RAB9B: variants seen among roughly 807,000 people sequenced by gnomAD.
RAB9B encodes RAB9B, member RAS oncogene family.
A neutral mutation model predicts 8.9 loss-of-function variants in RAB9B; 1 was observed. That is an observed-to-expected ratio of 0.11 (90% CI 0.04 to 0.53). RAB9B has a LOEUF of 0.53. Among genes scored for constraint, RAB9B ranks in the 20% least tolerant of loss-of-function variants. The probability of loss-of-function intolerance (pLI) is 0.93; values close to 1 mark genes in which losing one functional copy is unlikely to be tolerated. For synonymous variants in RAB9B, 63 were observed against 57.0 expected (o/e 1.10, Z -0.47); for missense variants, 82 against 152.9 (o/e 0.54, Z 2.45).
the RAB9B span, among the ~76,000 whole-genome samples, chrX:103,806,045 A>AT: frequency 3.6e-5 from 4 of 110,905 alleles, no homozygotes; most frequent in African/African-American, 9.8e-5. Flanking sequence ...GACTCAAGTG[A>AT]TTTTTTCACC....
chrX:103,778,088 C>T, the RAB9B span, among the ~76,000 whole-genome samples: 3 of 111,646 alleles, frequency 2.7e-5, no homozygotes, highest in South Asian at 3.8e-4. Context: ...GACAGGGAGT[C>T]GGAAAAATCA....
chrX:103,813,771 A>AAAAAAAG, the RAB9B span, among the ~76,000 whole-genome samples: 1 of 104,355 alleles, frequency 9.6e-6, no homozygotes. Flanking sequence ...AAAAAAAAAA[A>AAAAAAAG]GCAGGAGTGG....
the RAB9B span, among the ~76,000 whole-genome samples, chrX:103,811,617 G>T: frequency 9.0e-6 from 1 of 111,431 alleles, no homozygotes; most frequent in Non-Finnish European, 1.9e-5. Context: ...AATGTATCAT[G>T]CAGAGACACA....
At chrX:103,805,560 G>A in the RAB9B span, among the ~76,000 whole-genome samples, 2 of 111,618 alleles carry the variant, frequency 1.8e-5, no homozygotes, top group African/African-American at 6.5e-5. Flanking sequence ...AAGAACTGGT[G>A]TAAAAGCCTG....
At chrX:103,787,371 T>C in the RAB9B span, 1 of 171,537 alleles carries the variant, frequency 5.8e-6, no homozygotes, top group African/African-American at 3.1e-5. Context: ...AGAAAGGTTT[T>C]GTATCTGAAA....
chrX:103,796,029 T>C, the RAB9B span, among the ~76,000 whole-genome samples: 1 of 112,550 alleles, frequency 8.9e-6, no homozygotes, highest in Non-Finnish European at 1.9e-5. Flanking sequence ...AGCCAGGTAA[T>C]ATATGGGTGC....
At chrX:103,804,211 A>C in the RAB9B span, among the ~76,000 whole-genome samples, 1 of 111,975 alleles carries the variant, frequency 8.9e-6, no homozygotes, top group African/African-American at 3.2e-5. Context: ...ATTGTTTTCC[A>C]TGTGGATATT....
chrX:103,795,069 T>C, the RAB9B span, among the ~76,000 whole-genome samples: 2 of 111,675 alleles, frequency 1.8e-5, no homozygotes, highest in Non-Finnish European at 3.8e-5. Context: ...TGCAAAGTGT[T>C]TGTGGTATAG....
chrX:103,817,957 T>C (rs1031611972), downstream of RAB9B, among the ~76,000 whole-genome samples: 2 of 111,219 alleles, frequency 1.8e-5, no homozygotes, highest in African/African-American at 6.5e-5. Flanking sequence ...AACCCACCAG[T>C]TTTCTAATTT....
At chrX:103,794,731 G>A in the RAB9B span, among the ~76,000 whole-genome samples, 4 of 111,936 alleles carry the variant, frequency 3.6e-5, no homozygotes, top group South Asian at 3.7e-4. Flanking sequence ...TTATATTTAC[G>A]AAATCAATAC....
At chrX:103,791,789 T>C in the RAB9B span, 1 of 113,034 alleles carries the variant, frequency 8.8e-6, no homozygotes, top group African/African-American at 3.2e-5. Flanking sequence ...ACAAATGATA[T>C]TAAAAATTGG....
the RAB9B span, among the ~76,000 whole-genome samples, chrX:103,800,759 G>T: frequency 9.0e-6 from 1 of 111,577 alleles, no homozygotes; most frequent in African/African-American, 3.3e-5. Flanking sequence ...ACTTGAAATG[G>T]CTCCATGTCA....
chrX:103,782,958 C>T, the RAB9B span, among the ~76,000 whole-genome samples: 2 of 112,244 alleles, frequency 1.8e-5, no homozygotes, highest in African/African-American at 6.5e-5. Context: ...CTTCTTCTCC[C>T]CCCATCCCCA....
chrX:103,784,041 C>T, the RAB9B span, among the ~76,000 whole-genome samples: 1 of 112,139 alleles, frequency 8.9e-6, no homozygotes, highest in Non-Finnish European at 1.9e-5. Context: ...GCCGAGAGGC[C>T]AGAGGAAGCC....
the RAB9B span, among the ~76,000 whole-genome samples, chrX:103,778,552 T>C: frequency 3.6e-5 from 4 of 110,933 alleles, no homozygotes; most frequent in African/African-American, 1.3e-4. Context: ...CCTCAGGGGA[T>C]GAAATCCCTG....
chrX:103,795,022 A>G, the RAB9B span, among the ~76,000 whole-genome samples: 1 of 112,251 alleles, frequency 8.9e-6, no homozygotes, highest in African/African-American at 3.2e-5. Flanking sequence ...AACTCTCAAA[A>G]AATATTTATT....
downstream of RAB9B, among the ~76,000 whole-genome samples, chrX:103,820,971 C>T (rs1434480349): frequency 3.3e-5 from 2 of 59,795 alleles, no homozygotes; most frequent in African/African-American, 7.6e-5. Context: ...CACACACACA[C>T]ACACACACAC....
At chrX:103,792,015 G>A in the RAB9B span, 1 of 111,573 alleles carries the variant, frequency 9.0e-6, no homozygotes, top group African/African-American at 3.3e-5. Context: ...CCAGTCATCA[G>A]CTATTCAGTT....
the RAB9B span, among the ~76,000 whole-genome samples, chrX:103,784,982 C>T: frequency 5.7e-4 from 64 of 112,417 alleles, no homozygotes; most frequent in Non-Finnish European, 1.1e-3. Context: ...ATTTCATAAT[C>T]TCTCTGGCTT....
Sources: allele counts gnomAD v4.1 joint callset (sites outside exome capture counted in the v4.1 genomes callset), GRCh38; gene constraint gnomAD v4.1.1; transcripts MANE v1.5; gene names NCBI Gene and HGNC (gene_info 2026-07-23, HGNC 2026-07-21).